Variants in GOLIM4 observed in about 807,000 individuals in gnomAD.
GOLIM4 encodes the protein golgi integral membrane protein 4.
GOLIM4 carries 71 observed loss-of-function variants against 107.4 expected under a neutral mutation model. The observed-to-expected ratio is 0.66, with a 90% CI of 0.55 to 0.81. The LOEUF (loss-of-function observed/expected upper bound fraction) is 0.81, where lower values mean the gene tolerates loss of function less well. Among genes scored for constraint, GOLIM4 ranks in the 30% least tolerant of loss-of-function variants. The pLI, the probability that GOLIM4 is intolerant of heterozygous loss-of-function variation, is 0.00. For synonymous variants in GOLIM4, 327 were observed against 294.8 expected, an observed-to-expected ratio of 1.11 and a Z score of -1.12; for missense variants, 830 against 826.1, an observed-to-expected ratio of 1.00 and a Z score of -0.06.
chr3:168,028,219 A>G (rs1718116790), intron 11 of GOLIM4, among the ~76,000 whole-genome samples: 1 of 152,218 alleles, frequency 6.6e-6, no homozygotes, highest in African/African-American at 2.4e-5. Flanking sequence ...CTCCAAAAGA[A>G]GAAATTGATA....
intron 1 of GOLIM4, among the ~76,000 whole-genome samples, chr3:168,049,100 C>A (rs1719478675): frequency 1.3e-5 from 2 of 152,182 alleles, no homozygotes; most frequent in African/African-American, 4.8e-5. Context: ...CCTCCCTCCC[C>A]ACCCAGTCTA....
intron 1 of GOLIM4, among the ~76,000 whole-genome samples, chr3:168,050,574 C>G (rs1382017814): frequency 1.3e-5 from 2 of 151,994 alleles, no homozygotes; most frequent in Non-Finnish European, 2.9e-5. Flanking sequence ...CGTAAGCTCC[C>G]CAGCTGGAAG....
chr3:168,095,119 G>C lies in GOLIM4; in HGVS notation c.167C>G (p.Ser56Cys). The C allele has an allele frequency of 6.2e-7, 1 of 1,604,144 alleles. No individual in the cohort carries two copies. The highest frequency in any genetic ancestry group is 8.5e-7 in the Non-Finnish European group (1 of 1,172,410). The change falls in exon 1 of 16, where the codon TCC (serine) becomes TGC (cysteine). Residue 56 changes from serine to cysteine, a missense_variant. Coordinates refer to ENST00000470487, the MANE Select transcript of GOLIM4 (RefSeq NM_014498.5). ...VALKYQQHQE[S>C]LSAQLQVVYE... ...CGTACCTTGTAACTGGGCGGAGAGG[G>C]ACTCCTGGTGCTGCTGGTACTTGAG...
At chr3:168,012,018 A>G (rs1258746958) in intron 14 of GOLIM4, among the ~76,000 whole-genome samples, 1 of 142,674 alleles carries the variant, frequency 7.0e-6, no homozygotes, top group East Asian at 1.9e-4. Context: ...GTTCCTCACC[A>G]GCAACAGAAC....
chr3:168,071,541 G>GC (rs982337111), intron 1 of GOLIM4, among the ~76,000 whole-genome samples: 9 of 151,274 alleles, frequency 5.9e-5, no homozygotes, highest in Admixed American at 4.6e-4. Context: ...TTTCCCCGGC[G>GC]CCCCCCTACC....
intron 3 of GOLIM4, 114 bp from the exon 4 acceptor site, chr3:168,044,995 T>C (rs1719220393): frequency 3.4e-6 from 2 of 584,042 alleles, no homozygotes; most frequent in Non-Finnish European, 2.9e-6. Flanking sequence ...TACAGTAAAA[T>C]GAATTCTACA....
intron 15 of GOLIM4, 89 bp from the exon 16 acceptor site, chr3:168,010,507 C>A: frequency 1.0e-6 from 1 of 964,742 alleles, no homozygotes; most frequent in Admixed American, 2.4e-5. Context: ...AAAAATTACT[C>A]ATTTTTGGAG....
chr3:168,073,742 AC>A (rs1720943333), intron 1 of GOLIM4, among the ~76,000 whole-genome samples: 2 of 152,228 alleles, frequency 1.3e-5, no homozygotes, highest in Non-Finnish European at 1.5e-5. Flanking sequence ...TTTCTTATAC[AC>A]AAAGGAAGAG....
intron 7 of GOLIM4, among the ~76,000 whole-genome samples, chr3:168,039,899 A>T (rs533948078): frequency 3.0e-3 from 452 of 152,320 alleles, no homozygotes; most frequent in African/African-American, 0.01. Context: ...CTAATCAATG[A>T]CTGTTTAGAA....
In GOLIM4 at chr3:168,024,952, A is replaced by C. The variant is rs1347401454; in HGVS notation, c.1767T>G (p.Asn589Lys). 5.6e-6 allele frequency: 9 copies of C among 1,613,918 alleles called. No individual in the cohort carries two copies. The South Asian group carries it at 7.7e-5, about 14-fold the overall frequency. ...CCACCAAATGTTCCTCCACTTCTGT[A>C]TTCTCTTGCTTTTGATTACTTTGTT... ...EQKQSNQKQE[N>K]TEVEEHLVMA... The change falls in exon 13 of 16, where the codon AAT becomes AAG. Residue 589 changes from asparagine (N) to lysine (K), a missense_variant. By Grantham distance (94) the Asn-to-Lys change is moderately conservative (BLOSUM62 0). Coordinates refer to ENST00000470487, the MANE Select transcript of GOLIM4 (RefSeq NM_014498.5).
chr3:168,077,026 T>C (rs1021821076), intron 1 of GOLIM4, among the ~76,000 whole-genome samples: 3 of 152,210 alleles, frequency 2.0e-5, no homozygotes, highest in East Asian at 3.8e-4. Flanking sequence ...TATTAACTCA[T>C]ACCCTCCGCC....
At chr3:168,030,137 A>G (rs1718238913) in intron 9 of GOLIM4, 101 bp from the exon 10 acceptor site, 2 of 1,121,630 alleles carry the variant, frequency 1.8e-6, no homozygotes, top group South Asian at 3.0e-5. Context: ...GAGCTGGTTT[A>G]TTAACGACTA....
intron 12 of GOLIM4, among the ~76,000 whole-genome samples, chr3:168,025,691 A>G (rs570829426): frequency 7.2e-5 from 11 of 152,318 alleles, no homozygotes; most frequent in Non-Finnish European, 1.6e-4. Context: ...ATTCCCATGA[A>G]ACAGAGAGAT....
intron 1 of GOLIM4, among the ~76,000 whole-genome samples, chr3:168,066,669 C>T (rs1433616757): frequency 6.6e-6 from 1 of 152,090 alleles, no homozygotes; most frequent in East Asian, 1.9e-4. Flanking sequence ...TAGTCCTTTA[C>T]AGTTTATATA....
intron 7 of GOLIM4, among the ~76,000 whole-genome samples, chr3:168,039,057 G>C (rs1479615127): frequency 6.6e-6 from 1 of 152,114 alleles, no homozygotes; most frequent in East Asian, 1.9e-4. Context: ...CTCCAGAACT[G>C]TGAGAAATAC....
At chr3:168,029,716 T>C (rs1718198358) in intron 10 of GOLIM4, 64 bp downstream of exon 10, 1 of 1,574,840 alleles carries the variant, frequency 6.3e-7, no homozygotes, top group Non-Finnish European at 8.6e-7. Context: ...CAAAACTGTT[T>C]TTAATTTGCG....
At chr3:168,012,121 AAAG>A (rs1463862886) in intron 14 of GOLIM4, among the ~76,000 whole-genome samples, 1 of 118,844 alleles carries the variant, frequency 8.4e-6, no homozygotes, top group African/African-American at 6.3e-5. Context: ...AACCAAAGGC[AAAG>A]AAGTTGAAAA....
chr3:168,089,399 T>C (rs146307006), intron 1 of GOLIM4, among the ~76,000 whole-genome samples: 167 of 152,374 alleles, frequency 1.1e-3, no homozygotes, highest in Non-Finnish European at 1.7e-3. Context: ...CTCTGTTGTA[T>C]ATGTTTCCTC....
At chr3:168,093,929 A>C (rs1436409698) in intron 1 of GOLIM4, among the ~76,000 whole-genome samples, 1 of 152,260 alleles carries the variant, frequency 6.6e-6, no homozygotes, top group Admixed American at 6.5e-5. Context: ...CATCTGTTTC[A>C]TATCTGCACA....
Sources: allele counts gnomAD v4.1 joint callset (sites outside exome capture counted in the v4.1 genomes callset), GRCh38; gene constraint gnomAD v4.1.1; transcripts MANE v1.5; gene names NCBI Gene and HGNC (gene_info 2026-07-23, HGNC 2026-07-21).